Variants in PDE5A observed in about 807,000 individuals in gnomAD.
PDE5A encodes cGMP-specific 3',5'-cyclic phosphodiesterase.
A neutral mutation model predicts 110.2 loss-of-function variants in PDE5A; 67 were observed. The ratio of observed to expected loss-of-function variants is 0.61; its 90% CI spans 0.50 to 0.75. The LOEUF is 0.75. Among genes scored for constraint, PDE5A ranks in the 30% least tolerant of loss-of-function variants. The pLI, the probability that PDE5A is intolerant of heterozygous loss-of-function variation, is 0.00. For missense variants in PDE5A, 862 were observed against 1,045.1 expected (o/e 0.82, Z 2.42); for synonymous variants, 328 against 351.2 (o/e 0.93, Z 0.74).
At chr4:119,626,593 A>C (rs997523553) in intron 1 of PDE5A, among the ~76,000 whole-genome samples, 2 of 152,160 alleles carry the variant, frequency 1.3e-5, no homozygotes, top group African/African-American at 4.8e-5. Flanking sequence ...GAAGGCTGGG[A>C]ATGCGCAGAG....
At chr4:119,528,506 C>G (rs1374705453) in intron 11 of PDE5A, among the ~76,000 whole-genome samples, 1 of 152,076 alleles carries the variant, frequency 6.6e-6, no homozygotes, top group Non-Finnish European at 1.5e-5. Flanking sequence ...TACATTTCAG[C>G]ATGAGATGAT....
intron 3 of PDE5A, among the ~76,000 whole-genome samples, chr4:119,594,457 T>C (rs1729085459): frequency 7.2e-6 from 1 of 139,268 alleles, no homozygotes; most frequent in Admixed American, 7.7e-5. Flanking sequence ...TAGTCTGTGG[T>C]TTATAACTAG....
At chr4:119,599,712 T>TACACAC (rs3056797) in intron 2 of PDE5A, among the ~76,000 whole-genome samples, 5,351 of 147,272 alleles carry the variant, frequency 0.036, 144 homozygotes, top group African/African-American at 0.067. Flanking sequence ...CAAGTGTGTA[T>TACACAC]ACACACACAC....
intron 2 of PDE5A, among the ~76,000 whole-genome samples, chr4:119,601,153 T>C (rs1328715183): frequency 6.6e-6 from 1 of 152,084 alleles, no homozygotes; most frequent in African/African-American, 2.4e-5. Flanking sequence ...TTCACACTAA[T>C]GAGGTGAGCC....
At chr4:119,550,829 G>C (rs1466045382) in intron 9 of PDE5A, among the ~76,000 whole-genome samples, 1 of 152,092 alleles carries the variant, frequency 6.6e-6, no homozygotes, top group African/African-American at 2.4e-5. Flanking sequence ...TTATAATATA[G>C]TTTTCCCCTT....
intron 2 of PDE5A, among the ~76,000 whole-genome samples, chr4:119,597,760 C>T (rs1374248813): frequency 6.6e-6 from 1 of 151,910 alleles, no homozygotes; most frequent in Non-Finnish European, 1.5e-5. Flanking sequence ...CACAGTAAAG[C>T]TGTGAATGAA....
intron 10 of PDE5A, among the ~76,000 whole-genome samples, chr4:119,539,536 A>G (rs960876470): frequency 7.2e-5 from 11 of 152,102 alleles, no homozygotes; most frequent in Non-Finnish European, 1.2e-4. Context: ...GGACACAGTC[A>G]TGCAGATTTA....
At chr4:119,578,612 T>C (rs1250105329) in intron 3 of PDE5A, among the ~76,000 whole-genome samples, 1 of 152,162 alleles carries the variant, frequency 6.6e-6, no homozygotes, top group East Asian at 1.9e-4. Context: ...TAATAAATGG[T>C]GCTGGGAAAA....
chr4:119,516,933 G>C (rs1303421239), intron 14 of PDE5A: 19 of 152,238 alleles, frequency 1.2e-4, no homozygotes, highest in Admixed American at 1.2e-3. Context: ...TTCTCTTCTT[G>C]ATTCACCCAA....
chr4:119,539,902 A>G (rs1726864086), intron 10 of PDE5A, among the ~76,000 whole-genome samples: 1 of 152,176 alleles, frequency 6.6e-6, no homozygotes, highest in South Asian at 2.1e-4. Flanking sequence ...TTGGATTTTG[A>G]AACATTTTTG....
intron 1 of PDE5A, among the ~76,000 whole-genome samples, chr4:119,609,802 A>T (rs1183224170): frequency 2.0e-5 from 3 of 152,234 alleles, no homozygotes; most frequent in Non-Finnish European, 4.4e-5. Flanking sequence ...AACGATAAGT[A>T]TGAGGCAATG....
intron 4 of PDE5A, among the ~76,000 whole-genome samples, chr4:119,565,985 A>G (rs997400400): frequency 6.0e-5 from 9 of 149,208 alleles, no homozygotes; most frequent in Non-Finnish European, 1.0e-4. Flanking sequence ...AATAATAATT[A>G]ATAGTATTAA....
chr4:119,610,623 A>C (rs904742317), intron 1 of PDE5A, among the ~76,000 whole-genome samples: 1 of 152,134 alleles, frequency 6.6e-6, no homozygotes, highest in Non-Finnish European at 1.5e-5. Flanking sequence ...GCCTCATCTT[A>C]CTTCCTGCCA....
chr4:119,596,256 T>C (rs1185572555), intron 3 of PDE5A, among the ~76,000 whole-genome samples: 2 of 152,068 alleles, frequency 1.3e-5, no homozygotes, highest in South Asian at 2.1e-4. Context: ...TATCTTAAGA[T>C]AGAATAACGC....
intron 3 of PDE5A, among the ~76,000 whole-genome samples, chr4:119,573,287 C>T (rs551466997): frequency 6.6e-6 from 1 of 152,184 alleles, no homozygotes; most frequent in Non-Finnish European, 1.5e-5. Flanking sequence ...GAAATTTATA[C>T]CTTTACTAGC....
chr4:119,535,325 T>G (rs1482497744), intron 11 of PDE5A, among the ~76,000 whole-genome samples: 4 of 152,130 alleles, frequency 2.6e-5, no homozygotes, highest in African/African-American at 4.8e-5. Context: ...AGGCACCGGA[T>G]AAGAGAATCT....
At chr4:119,623,051 A>AG (rs1392713285) in intron 1 of PDE5A, among the ~76,000 whole-genome samples, 5 of 151,756 alleles carry the variant, frequency 3.3e-5, no homozygotes, top group Non-Finnish European at 7.4e-5. Flanking sequence ...AAAAAAAAAA[A>AG]GTAATTTAAA....
chr4:119,514,746 C>T (rs1318714841), intron 14 of PDE5A, among the ~76,000 whole-genome samples: 1 of 152,142 alleles, frequency 6.6e-6, no homozygotes, highest in Non-Finnish European at 1.5e-5. Context: ...AAGAACATTC[C>T]CCTGTGAAAA....
rs1464426711 is a variant in PDE5A at position 119,497,205 on chromosome 4, A to T, written c.*1396T>A. The T allele has an allele frequency of 1.3e-5, 2 of 152,154 alleles. No homozygotes were observed. Among genetic ancestry groups the T allele is most frequent in the African/African-American group, 2.4e-5 (1 of 41,454 alleles). 9.4% of individuals were successfully genotyped at this position (152,154 alleles called of 1,614,324 possible). A position where few individuals can be genotyped will look rare whatever the true frequency, so the allele number is the denominator to read the frequency against. On this transcript the variant is annotated 3_prime_UTR_variant, in exon 21 of 21. Coordinates refer to ENST00000354960, the MANE Select transcript of PDE5A (RefSeq NM_001083.4). ...TTGTGGGTTGGAGGTAGAAGTTAACAAATCAAGCAAATCTCTCCTTCTACT... is the reference window on the plus strand; with the variant it reads ...TTGTGGGTTGGAGGTAGAAGTTAACTAATCAAGCAAATCTCTCCTTCTACT...
Sources: allele counts gnomAD v4.1 joint callset (sites outside exome capture counted in the v4.1 genomes callset), GRCh38; gene constraint gnomAD v4.1.1; transcripts MANE v1.5; gene names NCBI Gene and HGNC (gene_info 2026-07-23, HGNC 2026-07-21).